The following HEATR4 variants were observed in gnomAD, a reference collection of about 807,000 sequenced individuals.
HEATR4 encodes HEAT repeat-containing protein 4.
HEATR4 carries 95 observed loss-of-function variants against 108.8 expected under a neutral mutation model. The ratio of observed to expected loss-of-function variants is 0.87; its 90% CI spans 0.74 to 1.04. HEATR4 has a LOEUF of 1.04. HEATR4 is among the 50% of genes least tolerant of loss of function. The pLI, the probability that HEATR4 is intolerant of heterozygous loss-of-function variation, is 0.00. For missense variants in HEATR4, 1,152 were observed against 1,253.8 expected, an observed-to-expected ratio of 0.92 and a Z score of 1.23; for synonymous variants, 443 against 459.4, an observed-to-expected ratio of 0.96 and a Z score of 0.46.
At chr14:73,588,747 A>G in the HEATR4 span, among the ~76,000 whole-genome samples, 3 of 152,176 alleles carry the variant, frequency 2.0e-5, no homozygotes, top group Admixed American at 1.3e-4. Context: ...ATGTTAAGCC[A>G]GACCCACTCT....
At chr14:73,572,045 G>A in the HEATR4 span, among the ~76,000 whole-genome samples, 134 of 150,826 alleles carry the variant, frequency 8.9e-4, no homozygotes, top group African/African-American at 3.2e-3. Context: ...GTATGTGGAG[G>A]AAATGAAACT....
At chr14:73,573,956 A>G in the HEATR4 span, among the ~76,000 whole-genome samples, 1 of 151,554 alleles carries the variant, frequency 6.6e-6, no homozygotes, top group Non-Finnish European at 1.5e-5. Flanking sequence ...TGAACTCCTG[A>G]CCTCAAATGA....
intron 6 of HEATR4, among the ~76,000 whole-genome samples, 155 bp downstream of exon 6, chr14:73,513,876 A>C (rs1251134665): frequency 6.6e-6 from 1 of 152,118 alleles, no homozygotes; most frequent in Non-Finnish European, 1.5e-5. Flanking sequence ...TCTAACACCC[A>C]ATGTGTGAAA....
intron 7 of HEATR4, 56 bp from the exon 8 acceptor site, chr14:73,509,529 C>G (rs895517379): frequency 5.0e-6 from 8 of 1,584,438 alleles, no homozygotes; most frequent in Middle Eastern, 4.4e-4. Context: ...TTCTCACACA[C>G]AGCTTCCTTC....
Position 73,503,077 on chromosome 14 carries a change from G to T in HEATR4, c.1987-64C>A. 4 of 1,336,148 alleles carry T rather than the reference G, an allele frequency of 3.0e-6. No individual in the cohort carries two copies. The Admixed American group carries it at 5.1e-5, about 17-fold the overall frequency. The allele number at this position is 1,336,148 out of a possible 1,614,324, so 82.8% of individuals were successfully genotyped here. On this transcript the variant is annotated intron_variant, in intron 10 of 17. Coordinates refer to ENST00000553558, the MANE Select transcript of HEATR4 (RefSeq NM_001220484.1). ...GAATGTTAATTTTGTGCTTGGCGTT[G>T]TGCTGTTTTTTCTTCTTTTTTTACT...
intron 17 of HEATR4, chr14:73,491,171 G>A: frequency 6.2e-7 from 1 of 1,602,338 alleles, no homozygotes; most frequent in South Asian, 1.1e-5. Context: ...CCGCATGGCA[G>A]CGCTGAGGAC....
the HEATR4 span, among the ~76,000 whole-genome samples, chr14:73,606,516 C>G: frequency 6.6e-6 from 1 of 152,194 alleles, no homozygotes; most frequent in Non-Finnish European, 1.5e-5. Context: ...GAAATAGGGT[C>G]TATCTAGCAG....
the HEATR4 span, chr14:73,567,489 GCACTTTGTAAAACGAACCAAT>G: frequency 6.6e-6 from 1 of 151,956 alleles, no homozygotes; most frequent in Non-Finnish European, 1.5e-5. Flanking sequence ...GAACCAATCA[GCACTTTGTAAAACGAACCAAT>G]CAGCACTCTG....
At chr14:73,503,062 T>C in intron 10 of HEATR4, 49 bp from the exon 11 acceptor site, 1 of 1,426,896 alleles carries the variant, frequency 7.0e-7, no homozygotes, top group Non-Finnish European at 9.9e-7. Context: ...GAATGTTAAT[T>C]TTGTGCTTGG....
chr14:73,506,825 T>TTTTTTTTTTTTG (rs60290843), intron 9 of HEATR4, among the ~76,000 whole-genome samples: 1 of 126,132 alleles, frequency 7.9e-6, no homozygotes, highest in African/African-American at 3.3e-5. Flanking sequence ...TTTTTTTTTT[T>TTTTTTTTTTTTG]CTGAGAAGGT....
At chr14:73,561,947 G>A (rs1188179340), upstream of HEATR4, among the ~76,000 whole-genome samples, 1 of 152,076 alleles carries the variant, frequency 6.6e-6, no homozygotes, top group Non-Finnish European at 1.5e-5. Context: ...TCTTGCCACT[G>A]CACTCCAGAG....
the HEATR4 span, among the ~76,000 whole-genome samples, chr14:73,585,720 A>T: frequency 6.6e-6 from 1 of 150,986 alleles, no homozygotes; most frequent in African/African-American, 2.4e-5. Flanking sequence ...GTACTATCAC[A>T]TTGGGTATTA....
At chr14:73,601,507 T>A in the HEATR4 span, among the ~76,000 whole-genome samples, 1 of 152,162 alleles carries the variant, frequency 6.6e-6, no homozygotes, top group Non-Finnish European at 1.5e-5. Flanking sequence ...GAGATTGCAG[T>A]GAGCTGAGAT....
the HEATR4 span, among the ~76,000 whole-genome samples, chr14:73,604,572 G>A: frequency 1.2e-3 from 178 of 150,638 alleles, no homozygotes; most frequent in Middle Eastern, 3.3e-3. Flanking sequence ...TTCAACCTGC[G>A]CTTCCCAGAT....
intron 1 of HEATR4, among the ~76,000 whole-genome samples, chr14:73,551,616 TG>T (rs1481183017): frequency 8.9e-6 from 1 of 112,498 alleles, no homozygotes; most frequent in Non-Finnish European, 1.9e-5. Flanking sequence ...GAGACCAGCC[TG>T]ACCAACATGG....
upstream of HEATR4, among the ~76,000 whole-genome samples, chr14:73,562,747 C>T (rs1282908083): frequency 6.6e-5 from 10 of 152,082 alleles, no homozygotes; most frequent in South Asian, 1.0e-3. Flanking sequence ...TCCTGCAGAA[C>T]CCTCAGGCTT....
intron 11 of HEATR4, among the ~76,000 whole-genome samples, chr14:73,501,005 C>T (rs1454603918): frequency 6.6e-6 from 1 of 152,250 alleles, no homozygotes; most frequent in Non-Finnish European, 1.5e-5. Flanking sequence ...CCTCTTTTCA[C>T]AGTCAAGTTC....
intron 5 of HEATR4, among the ~76,000 whole-genome samples, chr14:73,515,145 C>A (rs1324517921): frequency 3.3e-5 from 5 of 151,614 alleles, no homozygotes; most frequent in South Asian, 2.1e-4. Context: ...ATTTAGAAAG[C>A]CTCTTTCTCA....
chr14:73,500,187 G>A (rs186115252), intron 12 of HEATR4, among the ~76,000 whole-genome samples: 47 of 152,156 alleles, frequency 3.1e-4, no homozygotes, highest in African/African-American at 9.2e-4. Context: ...CCGAGATGGC[G>A]CCACTGCACT....
Sources: allele counts gnomAD v4.1 joint callset (sites outside exome capture counted in the v4.1 genomes callset), GRCh38; gene constraint gnomAD v4.1.1; transcripts MANE v1.5; gene names NCBI Gene and HGNC (gene_info 2026-07-23, HGNC 2026-07-21).